CTNNA2: variants seen among roughly 807,000 people sequenced by gnomAD.
The protein encoded by CTNNA2 is catenin alpha 2.
Under a neutral mutation model 101.0 loss-of-function variants are expected in CTNNA2, and 42 were observed. The ratio of observed to expected loss-of-function variants is 0.42; its 90% CI spans 0.32 to 0.54. The LOEUF is 0.54. Among genes scored for constraint, CTNNA2 ranks in the 20% least tolerant of loss-of-function variants. CTNNA2 has a pLI of 0.14. For synonymous variants in CTNNA2, 450 were observed against 456.4 expected (o/e 0.99, Z 0.18); for missense variants, 871 against 1,223.1 (o/e 0.71, Z 4.29).
chr2:79,440,797 T>C (rs1678769407), intron 4 of CTNNA2, among the ~76,000 whole-genome samples: 1 of 152,186 alleles, frequency 6.6e-6, no homozygotes, highest in African/African-American at 2.4e-5. Flanking sequence ...CTCCCTCTGC[T>C]GATCATTGAC....
rs185955720 is a variant in CTNNA2 at position 80,644,826 on chromosome 2, T to A, written c.2575-2759T>A. On this transcript the variant is annotated intron_variant, in intron 18 of 18. Transcript: ENST00000402739. The stretch of plus-strand genomic sequence containing the variant: ...GGCTTGAATAAAATTCTTGGCTTTA[T>A]ATTTCAAAGCTATCTCACTCTCAAA... 6.6e-5 allele frequency among the ~76,000 whole-genome samples: 10 copies of A among 152,328 alleles called. No individual in the cohort carries two copies. The East Asian group carries it at 1.9e-3, about 29-fold the overall frequency.
chr2:79,695,656 A>G (rs1684608209), intron 2 of CTNNA2, among the ~76,000 whole-genome samples: 1 of 152,006 alleles, frequency 6.6e-6, no homozygotes, highest in Non-Finnish European at 1.5e-5. Context: ...TGTGTTCTCC[A>G]TAGACTGGCC....
At chr2:80,533,057 A>T (rs1690679070) in intron 9 of CTNNA2, among the ~76,000 whole-genome samples, 1 of 152,170 alleles carries the variant, frequency 6.6e-6, no homozygotes, top group African/African-American at 2.4e-5. Flanking sequence ...ATCCTCAAAG[A>T]TGTGGAAATT....
At chr2:80,526,547 G>A (rs927196144) in intron 9 of CTNNA2, among the ~76,000 whole-genome samples, 1 of 151,990 alleles carries the variant, frequency 6.6e-6, no homozygotes, top group Non-Finnish European at 1.5e-5. Context: ...TGGCCAGGCT[G>A]GTCTCAAACT....
intron 7 of CTNNA2, among the ~76,000 whole-genome samples, chr2:80,213,887 T>C (rs925580877): frequency 6.6e-6 from 1 of 152,202 alleles, no homozygotes; most frequent in South Asian, 2.1e-4. Flanking sequence ...GCTTTATGAA[T>C]CTGGGTGCTC....
At chr2:79,290,006 C>T (rs72818621) in intron 2 of CTNNA2, among the ~76,000 whole-genome samples, 13 of 152,156 alleles carry the variant, frequency 8.5e-5, no homozygotes, top group Admixed American at 5.2e-4. Flanking sequence ...AGGTTTATAA[C>T]AATTGAGATG....
At chr2:80,396,766 T>A (rs372707379) in intron 8 of CTNNA2, among the ~76,000 whole-genome samples, 1 of 152,304 alleles carries the variant, frequency 6.6e-6, no homozygotes, top group South Asian at 2.1e-4. Flanking sequence ...ATCTATGACA[T>A]TGCAATGTTG....
intron 7 of CTNNA2, among the ~76,000 whole-genome samples, chr2:80,070,584 G>A (rs142413689): frequency 0.01 from 1,533 of 152,138 alleles, 17 homozygotes; most frequent in Non-Finnish European, 0.015. Flanking sequence ...GGGTGTGGTG[G>A]TGTGTACTTG....
At chr2:79,500,235 C>T (rs144599919) in intron 4 of CTNNA2, among the ~76,000 whole-genome samples, 1 of 152,236 alleles carries the variant, frequency 6.6e-6, no homozygotes, top group East Asian at 1.9e-4. Context: ...TCTTCTATAC[C>T]TTTATCATAT....
At chr2:80,083,902 G>T (rs1045106522) in intron 7 of CTNNA2, among the ~76,000 whole-genome samples, 2 of 152,124 alleles carry the variant, frequency 1.3e-5, no homozygotes, top group African/African-American at 4.8e-5. Flanking sequence ...AGGTTGGGAA[G>T]TGGATCATAA....
chr2:80,163,886 G>T (rs1704494468), intron 7 of CTNNA2, among the ~76,000 whole-genome samples: 1 of 151,488 alleles, frequency 6.6e-6, no homozygotes, highest in Non-Finnish European at 1.5e-5. Context: ...AGTTTTGTTT[G>T]CTCTGAATTC....
chr2:80,575,621 C>A (rs1423337041), intron 13 of CTNNA2, among the ~76,000 whole-genome samples: 3 of 152,134 alleles, frequency 2.0e-5, no homozygotes, highest in Non-Finnish European at 2.9e-5. Flanking sequence ...ATTTTCAAAG[C>A]ATTTGGTACT....
At chr2:79,804,650 A>AT (rs202189710) in intron 3 of CTNNA2, among the ~76,000 whole-genome samples, 3 of 137,012 alleles carry the variant, frequency 2.2e-5, no homozygotes, top group South Asian at 2.6e-4. Context: ...GTAACCTACT[A>AT]TTTTTTTTAT....
chr2:80,400,139 C>T (rs777560566), intron 8 of CTNNA2, among the ~76,000 whole-genome samples: 15 of 152,204 alleles, frequency 9.9e-5, no homozygotes, highest in Non-Finnish European at 2.1e-4. Context: ...TGAATGTACT[C>T]AGTGGATCTT....
chr2:79,253,800 A>G (rs1000888761), intron 2 of CTNNA2, among the ~76,000 whole-genome samples: 1 of 152,238 alleles, frequency 6.6e-6, no homozygotes, highest in Admixed American at 6.5e-5. Context: ...TTTACTGGGA[A>G]TAAAAGAAGA....
chr2:79,654,374 T>C (rs1385734382), intron 2 of CTNNA2, among the ~76,000 whole-genome samples: 1 of 152,218 alleles, frequency 6.6e-6, no homozygotes, highest in African/African-American at 2.4e-5. Context: ...AAGACCAGTG[T>C]GGCTCTAGGG....
At chr2:79,852,129 T>C (rs1287443505) in intron 3 of CTNNA2, among the ~76,000 whole-genome samples, 1 of 152,218 alleles carries the variant, frequency 6.6e-6, no homozygotes, top group African/African-American at 2.4e-5. Context: ...TGTAATTAGA[T>C]AAAGGATAAT....
At chr2:79,200,627 A>G (rs559586504) in intron 2 of CTNNA2, among the ~76,000 whole-genome samples, 1 of 152,300 alleles carries the variant, frequency 6.6e-6, no homozygotes, top group African/African-American at 2.4e-5. Context: ...GCAGAAGTAA[A>G]TGAAGGAAAC....
chr2:79,959,691 G>A lies in CTNNA2; in HGVS notation c.1056+49894G>A, dbSNP rs1689497715. 2.0e-5 allele frequency among the ~76,000 whole-genome samples: 3 copies of A among 152,178 alleles called. No individual in the cohort carries two copies. The South Asian group carries it at 6.2e-4, about 32-fold the overall frequency. On this transcript the variant is annotated intron_variant, in intron 7 of 18. Transcript: ENST00000402739. ...GTGCTACTTTGCTTTGGGCATTAGT[G>A]GTTTTGTGGCCCCTTCTAAGCCATT...
Sources: gnomAD v4.1 joint callset for allele counts (sites outside exome capture counted in the v4.1 genomes callset) on GRCh38, gnomAD v4.1.1 for gene constraint, MANE v1.5 for transcripts, NCBI Gene and HGNC (gene_info 2026-07-23, HGNC 2026-07-21) for gene names.